PON3: variants seen among roughly 807,000 people sequenced by gnomAD.
PON3 encodes the protein serum paraoxonase/lactonase 3.
PON3 carries 37 observed loss-of-function variants against 36.3 expected under a neutral mutation model. That is an observed-to-expected ratio of 1.02 (90% CI 0.78 to 1.34). PON3 has a LOEUF of 1.34. Ranked by LOEUF, PON3 falls within the 40% of genes most tolerant of loss-of-function variation. The pLI is 0.00. For missense variants in PON3, 415 were observed against 426.5 expected, an observed-to-expected ratio of 0.97 and a Z score of 0.24; for synonymous variants, 155 against 154.8, an observed-to-expected ratio of 1.00 and a Z score of -0.01.
intron 5 of PON3, among the ~76,000 whole-genome samples, chr7:95,366,296 T>G (rs1201578113): frequency 2.0e-5 from 3 of 152,152 alleles, no homozygotes; most frequent in Admixed American, 6.6e-5. Flanking sequence ...AGGCACCAAT[T>G]AAGTGACTTG....
chr7:95,365,148 C>T (rs1358019258), intron 5 of PON3: 1 of 152,102 alleles, frequency 6.6e-6, no homozygotes, highest in African/African-American at 2.4e-5. Flanking sequence ...CTGTTATGCC[C>T]CCTTGTAAGT....
At chr7:95,385,165 G>A (rs1809159885) in intron 3 of PON3, among the ~76,000 whole-genome samples, 1 of 152,034 alleles carries the variant, frequency 6.6e-6, no homozygotes, top group Admixed American at 6.6e-5. Flanking sequence ...AGAACACTTG[G>A]ACACGGGAAG....
chr7:95,377,074 AC>A (rs1808933678), intron 3 of PON3, among the ~76,000 whole-genome samples: 1 of 152,210 alleles, frequency 6.6e-6, no homozygotes, highest in Non-Finnish European at 1.5e-5. Context: ...AGTCTTTGCA[AC>A]CAGCAGACCA....
intron 4 of PON3, among the ~76,000 whole-genome samples, chr7:95,371,970 G>A (rs1808816560): frequency 6.6e-6 from 1 of 152,016 alleles, no homozygotes; most frequent in African/African-American, 2.4e-5. Context: ...AAGAGGAGGA[G>A]GCCACATAGG....
At position 95,392,697 on chromosome 7, in the gene PON3, G is replaced by A. The variant is rs187052556; in HGVS notation, c.145+1947C>T. On this transcript the variant is annotated intron_variant, in intron 2 of 8. Coordinates refer to ENST00000265627, the MANE Select transcript of PON3 (RefSeq NM_000940.3). ...GTTCTAAACCTAAGCAGAATGTTTT[G>A]GAAAGGCCATCTGGCATTCATTCTA... Among the ~76,000 whole-genome samples, 356 of 152,254 alleles carry A rather than the reference G, an allele frequency of 2.3e-3. 2 individuals carry two copies. The highest frequency in any genetic ancestry group is 7.9e-3 in the African/African-American group (330 of 41,552).
chr7:95,385,510 C>T (rs981670723), intron 3 of PON3, among the ~76,000 whole-genome samples: 2 of 151,992 alleles, frequency 1.3e-5, no homozygotes, highest in Admixed American at 6.6e-5. Context: ...GACAGATGAA[C>T]GAGACAGAAG....
chr7:95,391,573 A>T (rs1174972077), intron 2 of PON3, among the ~76,000 whole-genome samples: 1 of 152,200 alleles, frequency 6.6e-6, no homozygotes, highest in African/African-American at 2.4e-5. Flanking sequence ...AGGAAAACAA[A>T]ATAAGAGTTT....
At position 95,382,154 on chromosome 7, in the gene PON3, C is replaced by T. The variant is rs988039239; in HGVS notation, c.201+8000G>A. On this transcript the variant is annotated intron_variant, in intron 3 of 8. Coordinates refer to ENST00000265627, the MANE Select transcript of PON3 (RefSeq NM_000940.3). The stretch of plus-strand genomic sequence containing the variant: ...AAATAAAGATGTTCTTTGAAACCGA[C>T]GAGAACAAAGATACAACATATCAGA... Among the ~76,000 whole-genome samples the T allele has an allele frequency of 1.8e-4, 27 of 152,124 alleles. 1 individual carries two copies. The highest frequency in any genetic ancestry group is 5.3e-4 in the African/African-American group (22 of 41,496).
intron 1 of PON3, among the ~76,000 whole-genome samples, chr7:95,395,460 TGC>T (rs1809408197): frequency 6.6e-6 from 1 of 152,204 alleles, no homozygotes; most frequent in Non-Finnish European, 1.5e-5. Context: ...TCCATGTGGT[TGC>T]ACTGGGAGCA....
intron 5 of PON3, chr7:95,365,737 C>G (rs1753705383): frequency 6.6e-6 from 1 of 152,148 alleles, no homozygotes; most frequent in Non-Finnish European, 1.5e-5. Context: ...GCCATGTTAT[C>G]TCTGAAGGTT....
In PON3 at chr7:95,362,537, C is replaced by T. The variant is rs138102561; in HGVS notation, c.778-47G>A. ...TGAAGACATTGTCTCAATGATTCCT[C>T]GCTTTCTTCCCTATTCATCCCCACA... On this transcript the variant is annotated intron_variant, in intron 7 of 8. Coordinates refer to ENST00000265627, the MANE Select transcript of PON3 (RefSeq NM_000940.3). 1.5e-4 allele frequency: 242 copies of T among 1,611,824 alleles called. 1 individual carries two copies. In the African/African-American group the frequency reaches 3.0e-3, roughly 20 times the overall value.
chr7:95,394,248 T>A (rs748470907), intron 2 of PON3, among the ~76,000 whole-genome samples: 2 of 149,514 alleles, frequency 1.3e-5, no homozygotes, highest in African/African-American at 2.5e-5. Context: ...TGAAAAAAAA[T>A]AACACTTGAA....
chr7:95,365,298 T>A (rs991487986), intron 5 of PON3: 28 of 152,248 alleles, frequency 1.8e-4, no homozygotes, highest in African/African-American at 6.5e-4. Context: ...CCTAGCAGTG[T>A]CTCAGCTCAT....
intron 5 of PON3, chr7:95,364,716 A>T (rs1808653578): frequency 6.4e-6 from 1 of 156,946 alleles, no homozygotes; most frequent in Non-Finnish European, 1.4e-5. Flanking sequence ...AGCCACCAAG[A>T]TGTTAGGGTT....
chr7:95,389,305 T>C (rs1239762091), intron 3 of PON3, among the ~76,000 whole-genome samples: 1 of 152,146 alleles, frequency 6.6e-6, no homozygotes, highest in East Asian at 1.9e-4. Flanking sequence ...AATTTATAAA[T>C]TCAGGCCACG....
At position 95,367,365 on chromosome 7, in the gene PON3, T is replaced by C. The variant is rs760448342; in HGVS notation, c.491A>G (p.Lys164Arg). 6.2e-7 allele frequency: 1 copy of C among 1,612,332 alleles called. No individual in the cohort carries two copies. The highest frequency in any genetic ancestry group is 1.1e-5 in the South Asian group (1 of 91,068). ...GCACAATACTTTCATTCCATACCTT[T>C]TGAGAAGTTCATGTTTTATAGTTTT... ...YLKTIKHELLKSVNDIVVLGP... is the reference protein window; with the variant it reads ...YLKTIKHELLRSVNDIVVLGP... Residue 164 changes from lysine (K) to arginine (R), a missense_variant, in exon 5 of 9, where the codon AAA becomes AGA. By Grantham distance (26) the Lys-to-Arg change is conservative. Coordinates refer to ENST00000265627, the MANE Select transcript of PON3 (RefSeq NM_000940.3).
In PON3 at chr7:95,372,180, G is replaced by T; in HGVS notation, c.360C>A (p.Ile120=). 6.2e-7 allele frequency: 1 copy of T among 1,613,092 alleles called. No homozygotes were observed. Among genetic ancestry groups the T allele is most frequent in the Non-Finnish European group, 8.5e-7 (1 of 1,179,332 alleles). Residue 120 remains isoleucine, a synonymous_variant, in exon 4 of 9, where the codon ATC becomes ATA. Coordinates refer to ENST00000265627, the MANE Select transcript of PON3 (RefSeq NM_000940.3). ...TAAACATACAGGTTTTACCTTTGTC[G>T]ATGAAAATACTGATCCCATGTGGAT... ...LFNPHGISIF[I]DKDNTVYLYV... is the part of the protein sequence containing the mutation.
chr7:95,375,614 T>C (rs1808899707), intron 3 of PON3, among the ~76,000 whole-genome samples: 1 of 152,148 alleles, frequency 6.6e-6, no homozygotes, highest in Non-Finnish European at 1.5e-5. Context: ...AGGTGGAGCA[T>C]AGCCAGCTAG....
chr7:95,394,529 T>G, intron 2 of PON3, 115 bp downstream of exon 2: 1 of 861,448 alleles, frequency 1.2e-6, no homozygotes, highest in South Asian at 1.4e-5. Flanking sequence ...GGGGCAGATG[T>G]CCCACTGGGA....
Sources: allele counts gnomAD v4.1 joint callset (sites outside exome capture counted in the v4.1 genomes callset), GRCh38; gene constraint gnomAD v4.1.1; transcripts MANE v1.5; gene names NCBI Gene and HGNC (gene_info 2026-07-23, HGNC 2026-07-21).